Variants in CDH13 observed in about 807,000 individuals in gnomAD.
CDH13 encodes cadherin 13.
CDH13 carries 24 observed loss-of-function variants against 63.8 expected under a neutral mutation model. The observed-to-expected ratio is 0.38, with a 90% CI of 0.27 to 0.53. CDH13 has a LOEUF of 0.53. Ranked by LOEUF, CDH13 falls within the 20% of genes least tolerant of loss-of-function variation. The pLI, the probability that CDH13 is intolerant of heterozygous loss-of-function variation, is 0.85. For missense variants in CDH13, 1,049 were observed against 903.1 expected (o/e 1.16, Z -2.07); for synonymous variants, 503 against 355.3 (o/e 1.42, Z -4.67).
At chr16:83,299,308 G>C (rs1042852128) in intron 5 of CDH13, among the ~76,000 whole-genome samples, 1 of 141,224 alleles carries the variant, frequency 7.1e-6, no homozygotes, top group Non-Finnish European at 1.5e-5. Flanking sequence ...AAAAAAAAAA[G>C]ATGAATTCCC....
intron 5 of CDH13, among the ~76,000 whole-genome samples, chr16:83,298,293 A>G (rs1350165315): frequency 6.6e-6 from 1 of 152,062 alleles, no homozygotes; most frequent in African/African-American, 2.4e-5. Flanking sequence ...GAAAAAGAAA[A>G]GGGAAGAAGT....
chr16:83,755,991 C>T (rs991805570), intron 11 of CDH13, among the ~76,000 whole-genome samples: 2 of 152,034 alleles, frequency 1.3e-5, no homozygotes, highest in African/African-American at 2.4e-5. Context: ...AAGTGAGAGG[C>T]TATAAACATA....
intron 5 of CDH13, among the ~76,000 whole-genome samples, chr16:83,303,525 T>A (rs1029433797): frequency 3.9e-5 from 6 of 152,214 alleles, no homozygotes. Context: ...GTAGGTGTGA[T>A]GTTTAATTTC....
At chr16:83,279,750 C>A (rs928482376) in intron 5 of CDH13, among the ~76,000 whole-genome samples, 7 of 151,936 alleles carry the variant, frequency 4.6e-5, no homozygotes, top group South Asian at 2.1e-4. Context: ...ATAAAACATA[C>A]CTAAAGATAA....
At chr16:82,794,318 C>T (rs897548650) in intron 1 of CDH13, among the ~76,000 whole-genome samples, 1 of 136,644 alleles carries the variant, frequency 7.3e-6, no homozygotes, top group Admixed American at 7.6e-5. Flanking sequence ...ACAAACTCGC[C>T]AGCTCTGCAA....
chr16:82,859,807 C>G (rs1370141339), intron 2 of CDH13: 1 of 151,372 alleles, frequency 6.6e-6, no homozygotes, highest in Non-Finnish European at 1.5e-5. Flanking sequence ...TCGAAAGGAA[C>G]ACAATAATGA....
At chr16:83,662,646 T>C (rs767742587) in intron 8 of CDH13, among the ~76,000 whole-genome samples, 1 of 152,186 alleles carries the variant, frequency 6.6e-6, no homozygotes, top group Non-Finnish European at 1.5e-5. Flanking sequence ...CTTTTATACA[T>C]GTTTAATATT....
chr16:83,056,069 G>C (rs1006658772), intron 3 of CDH13, among the ~76,000 whole-genome samples: 1 of 152,138 alleles, frequency 6.6e-6, no homozygotes, highest in African/African-American at 2.4e-5. Flanking sequence ...TAACAAAAGA[G>C]GATATCTACA....
intron 4 of CDH13, among the ~76,000 whole-genome samples, chr16:83,208,612 A>T (rs1597518002): frequency 6.6e-6 from 1 of 152,308 alleles, no homozygotes; most frequent in Non-Finnish European, 1.5e-5. Flanking sequence ...TAAAACTGAA[A>T]ATATTATAAG....
chr16:83,226,722 C>A (rs554072850), intron 5 of CDH13, among the ~76,000 whole-genome samples: 1 of 152,290 alleles, frequency 6.6e-6, no homozygotes, highest in African/African-American at 2.4e-5. Flanking sequence ...GCCCAGCAGC[C>A]CAGCGAATTT....
At chr16:82,882,206 T>C (rs1006445997) in intron 2 of CDH13, among the ~76,000 whole-genome samples, 5 of 152,156 alleles carry the variant, frequency 3.3e-5, no homozygotes, top group African/African-American at 1.2e-4. Context: ...CACACAAGTG[T>C]CACAAAGATA....
At position 83,652,525 on chromosome 16, in the gene CDH13, C is replaced by T. The variant is rs79314798; in HGVS notation, c.1102-18265C>T. Among the ~76,000 whole-genome samples the T allele has an allele frequency of 4.5e-4, 69 of 152,192 alleles. 1 individual carries two copies. The South Asian group carries it at 0.014, about 32-fold the overall frequency. ...CATGGAAATTGGGAAGAAGGAGGGT[C>T]CTCGTGGTTTAGCCAAAGGTTTTGA... On this transcript the variant is annotated intron_variant, in intron 8 of 13. Coordinates refer to ENST00000567109, the MANE Select transcript of CDH13 (RefSeq NM_001257.5).
At chr16:83,390,518 A>G (rs143023245) in intron 6 of CDH13, among the ~76,000 whole-genome samples, 43 of 151,430 alleles carry the variant, frequency 2.8e-4, no homozygotes, top group African/African-American at 9.5e-4. Context: ...ATAATGTGTG[A>G]TTTTGAGATG....
intron 1 of CDH13, among the ~76,000 whole-genome samples, chr16:82,796,044 A>G (rs913928611): frequency 6.6e-6 from 1 of 151,620 alleles, no homozygotes; most frequent in Non-Finnish European, 1.5e-5. Context: ...GACCCAACAG[A>G]TGAGTCCCTT....
chr16:82,939,109 G>A (rs1017578782), intron 2 of CDH13, among the ~76,000 whole-genome samples: 7 of 152,176 alleles, frequency 4.6e-5, no homozygotes, highest in East Asian at 1.9e-4. Flanking sequence ...CTCCTCTGGT[G>A]TGGAAAATGG....
At chr16:82,988,321 T>C (rs1911212784) in intron 2 of CDH13, among the ~76,000 whole-genome samples, 1 of 152,114 alleles carries the variant, frequency 6.6e-6, no homozygotes, top group African/African-American at 2.4e-5. Context: ...AGGGAATGTT[T>C]TTTGTTTTTT....
At chr16:83,245,161 T>C (rs1904865221) in intron 5 of CDH13, among the ~76,000 whole-genome samples, 1 of 152,116 alleles carries the variant, frequency 6.6e-6, no homozygotes, top group South Asian at 2.1e-4. Flanking sequence ...TTGAAAACCT[T>C]AATCAACCAA....
intron 13 of CDH13, among the ~76,000 whole-genome samples, chr16:83,794,793 T>A (rs529695692): frequency 6.6e-6 from 1 of 152,322 alleles, no homozygotes; most frequent in East Asian, 1.9e-4. Context: ...GAGCGATGTT[T>A]GGCATCTGAA....
At chr16:83,515,356 T>G (rs995938600) in intron 7 of CDH13, among the ~76,000 whole-genome samples, 5 of 152,206 alleles carry the variant, frequency 3.3e-5, no homozygotes, top group African/African-American at 1.2e-4. Context: ...GCAGTAACTT[T>G]GAAGTTACTG....
Sources: allele counts gnomAD v4.1 joint callset (sites outside exome capture counted in the v4.1 genomes callset), GRCh38; gene constraint gnomAD v4.1.1; transcripts MANE v1.5; gene names NCBI Gene and HGNC (gene_info 2026-07-23, HGNC 2026-07-21).